Variants in BHMT observed in about 807,000 individuals in gnomAD.
BHMT encodes the protein betaine--homocysteine S-methyltransferase 1.
Under a neutral mutation model 49.5 loss-of-function variants are expected in BHMT, and 38 were observed. The ratio of observed to expected loss-of-function variants is 0.77; its 90% CI spans 0.59 to 1.01. The LOEUF is 1.01. BHMT is among the 50% of genes least tolerant of loss of function. The pLI is 0.00. For synonymous variants in BHMT, 166 were observed against 176.3 expected (o/e 0.94, Z 0.46); for missense variants, 426 against 495.7 (o/e 0.86, Z 1.34).
intron 1 of BHMT, 106 bp downstream of exon 1, chr5:79,112,024 C>CA (rs1271102857): frequency 7.9e-7 from 1 of 1,259,580 alleles, no homozygotes; most frequent in Non-Finnish European, 1.1e-6. Flanking sequence ...TGGTACCCAT[C>CA]ATCCTCCTAC....
chr5:79,117,429 T>C (rs1334731073), intron 2 of BHMT, among the ~76,000 whole-genome samples: 3 of 152,200 alleles, frequency 2.0e-5, no homozygotes, highest in African/African-American at 7.2e-5. Flanking sequence ...GGTTCTGTTA[T>C]TAATTAAAAC....
chr5:79,116,173 C>T (rs537144250), intron 2 of BHMT: 5 of 241,490 alleles, frequency 2.1e-5, no homozygotes, highest in Non-Finnish European at 3.1e-5. Context: ...GTATCTGCAG[C>T]GCTTTTGTAA....
At chr5:79,126,339 T>C in intron 6 of BHMT, 111 bp downstream of exon 6, 1 of 1,237,230 alleles carries the variant, frequency 8.1e-7, no homozygotes. Flanking sequence ...TGGCTTGGTG[T>C]CTCCTCATGT....
In BHMT at chr5:79,115,814, A is replaced by T. The variant is rs760611373; in HGVS notation, c.81A>T (p.Gly27=). ...LNAGEIVIGD[G]GFVFALEKRG... ...CTGGAGAGATTGTGATTGGAGATGG[A>T]GGGTTTGTCTTTGCACTGGAGAAGA... is the stretch of plus-strand genomic sequence containing the variant. The change falls in exon 2 of 8, where the codon GGA becomes GGT. Residue 27 remains glycine (G), a synonymous_variant. Transcript: ENST00000274353. 2.1e-5 allele frequency: 34 copies of T among 1,613,776 alleles called. No homozygotes were observed. Among genetic ancestry groups the T allele is most frequent in the Non-Finnish European group, 9.3e-6 (11 of 1,179,854 alleles).
At chr5:79,130,627 T>C (rs1056261722) in intron 7 of BHMT, among the ~76,000 whole-genome samples, 2 of 151,188 alleles carry the variant, frequency 1.3e-5, no homozygotes, top group Non-Finnish European at 2.9e-5. Flanking sequence ...CATGATTTTT[T>C]CACTGTGTTA....
intron 1 of BHMT, among the ~76,000 whole-genome samples, chr5:79,115,431 G>T (rs895355437): frequency 2.0e-4 from 31 of 151,764 alleles, no homozygotes; most frequent in Non-Finnish European, 3.8e-4. Context: ...CTTAAGTGCA[G>T]ATTTGAGGCT....
chr5:79,118,052 A>G (rs749928376), intron 2 of BHMT, among the ~76,000 whole-genome samples: 2 of 152,170 alleles, frequency 1.3e-5, no homozygotes, highest in African/African-American at 2.4e-5. Flanking sequence ...CCGTAATTTT[A>G]ATTTGCAGGG....
chr5:79,118,531 G>A (rs760241064), intron 2 of BHMT, among the ~76,000 whole-genome samples: 12 of 152,176 alleles, frequency 7.9e-5, no homozygotes, highest in Non-Finnish European at 1.2e-4. Flanking sequence ...CCATGGAACT[G>A]TGCTTGGAAA....
chr5:79,130,720 C>T (rs956341170), intron 7 of BHMT, among the ~76,000 whole-genome samples: 1 of 32,194 alleles, frequency 3.1e-5, no homozygotes, highest in African/African-American at 8.0e-5. Context: ...CATATAAATT[C>T]GTAGTCAGGA....
Position 79,126,158 on chromosome 5 carries a change from C to T in BHMT, c.738C>T (p.Ser246=). The T allele has an allele frequency of 6.2e-7, 1 of 1,613,694 alleles. No homozygotes were observed. The highest frequency in any genetic ancestry group is 8.5e-7 in the Non-Finnish European group (1 of 1,179,626). The change falls in exon 6 of 8, where the codon AGC becomes AGT. Residue 246 remains serine, a synonymous_variant. Transcript: ENST00000274353. The part of the protein sequence containing the change: ...EAARLKAHLM[S]QPLAYHTPDC... Reference sequence around the variant, plus strand: ...CCCGACTGAAAGCTCACCTGATGAGCCAGCCCTTGGCTTACCACACTCCTG... The same window carrying T: ...CCCGACTGAAAGCTCACCTGATGAGTCAGCCCTTGGCTTACCACACTCCTG...
Position 79,131,010 on chromosome 5 carries a change from G to T in BHMT, c.1115G>T (p.Gly372Val). The change falls in exon 8 of 8, where the codon GGC becomes GTC. Residue 372 changes from glycine to valine, a missense_variant. Around this residue, in one of 3 missense-constraint regions of BHMT, gnomAD observed 73 missense variants for 68.3 expected, o/e 1.07. Coordinates refer to ENST00000274353, the MANE Select transcript of BHMT (RefSeq NM_001713.3). ...AACCCTTCAATGTCAAAGCCAGATG[G>T]CTGGGGAGTGACCAAAGGAACAGCC... ...PYNPSMSKPDGWGVTKGTAEL... is the reference protein window; with the variant it reads ...PYNPSMSKPDVWGVTKGTAEL... The T allele has an allele frequency of 6.2e-7, 1 of 1,613,988 alleles. No individual in the cohort carries two copies. Among genetic ancestry groups the T allele is most frequent in the Non-Finnish European group, 8.5e-7 (1 of 1,180,004 alleles).
At position 79,132,241 on chromosome 5, in the gene BHMT, T is replaced by G. The variant is rs1020870232; in HGVS notation, c.*1125T>G. On this transcript the variant is annotated 3_prime_UTR_variant, in exon 8 of 8. Transcript: ENST00000274353. ...CATTATTGAATTGTTTGAGCTGTTT[T>G]GAAATTGTAATTCTTTTCAGCTATT... is the stretch of plus-strand genomic sequence containing the variant. The G allele has an allele frequency of 6.6e-6, 1 of 152,224 alleles. No homozygotes were observed. Among genetic ancestry groups the G allele is most frequent in the Non-Finnish European group, 1.5e-5 (1 of 68,036 alleles). The allele number at this position is 152,224 out of a possible 1,614,324, so 9.4% of individuals were successfully genotyped here. A position where few individuals can be genotyped will look rare whatever the true frequency, so the allele number is the denominator to read the frequency against.
chr5:79,115,538 A>AC (rs566590041), intron 1 of BHMT, among the ~76,000 whole-genome samples: 398 of 151,428 alleles, frequency 2.6e-3, no homozygotes, highest in Non-Finnish European at 4.7e-3. Flanking sequence ...GTTAAGAAAG[A>AC]CCCCCCCACC....
At chr5:79,128,525 GTT>G (rs1462256064) in intron 7 of BHMT, among the ~76,000 whole-genome samples, 2 of 39,444 alleles carry the variant, frequency 5.1e-5, no homozygotes, top group Admixed American at 4.4e-4. Context: ...GTGAGACCCT[GTT>G]TTAAAAAAAA....
chr5:79,122,092 C>T (rs1269574051), intron 5 of BHMT, among the ~76,000 whole-genome samples: 1 of 151,820 alleles, frequency 6.6e-6, no homozygotes, highest in Non-Finnish European at 1.5e-5. Context: ...TGGGCACCCG[C>T]CACCATGCCT....
At position 79,130,918 on chromosome 5, in the gene BHMT, GT is replaced by G; in HGVS notation, c.1038-11del. The G allele has an allele frequency of 6.3e-7, 1 of 1,596,444 alleles. No homozygotes were observed. The highest frequency in any genetic ancestry group is 8.5e-7 in the Non-Finnish European group (1 of 1,170,712). ...AGGAGTCTGTTGTCTGGTGTCATGT[GT>G]TTTGTTCACACAGGGCCAGGAAGGA... On this transcript the variant is annotated splice_polypyrimidine_tract_variant and intron_variant, in intron 7 of 7. Coordinates refer to ENST00000274353, the MANE Select transcript of BHMT (RefSeq NM_001713.3).
intron 5 of BHMT, 37 bp downstream of exon 5, chr5:79,121,402 T>A: frequency 6.2e-7 from 1 of 1,612,588 alleles, no homozygotes; most frequent in Non-Finnish European, 8.5e-7. Flanking sequence ...GATTAGTAAG[T>A]CTTAAAAGAA....
chr5:79,123,716 T>C (rs1756509261), intron 5 of BHMT, among the ~76,000 whole-genome samples: 1 of 152,154 alleles, frequency 6.6e-6, no homozygotes, highest in Non-Finnish European at 1.5e-5. Context: ...CACGTCCAGC[T>C]AATTTTTGTA....
At chr5:79,124,976 CTTA>C (rs1450443652) in intron 5 of BHMT, among the ~76,000 whole-genome samples, 1 of 152,112 alleles carries the variant, frequency 6.6e-6, no homozygotes, top group East Asian at 1.9e-4. Context: ...GGCTAATGAA[CTTA>C]TTAAGTTGGC....
Sources: allele counts gnomAD v4.1 joint callset (sites outside exome capture counted in the v4.1 genomes callset), GRCh38; gene constraint gnomAD v4.1.1; regional missense constraint gnomAD v4.1.1; transcripts MANE v1.5; gene names NCBI Gene and HGNC (gene_info 2026-07-23, HGNC 2026-07-21).